Variants in DNAAF4 observed in about 807,000 individuals in gnomAD.
DNAAF4 encodes dynein axonemal assembly factor 4, also known as dynein assembly factor 4, axonemal.
A neutral mutation model predicts 51.8 loss-of-function variants in DNAAF4; 43 were observed. The observed-to-expected ratio is 0.83, with a 90% CI of 0.65 to 1.07. The LOEUF is 1.07. Ranked by LOEUF, DNAAF4 falls within the 50% of genes least tolerant of loss-of-function variation. The pLI is 0.00. For missense variants in DNAAF4, 581 were observed against 493.0 expected (o/e 1.18, Z -1.69); for synonymous variants, 194 against 165.6 (o/e 1.17, Z -1.32).
At chr15:55,502,644 T>TA (rs889026774) in intron 1 of DNAAF4, among the ~76,000 whole-genome samples, 16 of 151,898 alleles carry the variant, frequency 1.1e-4, no homozygotes, top group African/African-American at 2.7e-4. Context: ...TGATGACTGG[T>TA]AAAAAAAAGT....
Position 55,491,252 on chromosome 15 carries a change from G to T in DNAAF4, c.276C>A (p.Asp92Glu). ...CTCTAATTCTTTGCATCATCTCTTT[G>T]TCAACTAAAATGTACAGAATATTGC... The part of the protein sequence containing the change: ...MWETLSVTGV[D>E]KEMMQRIREK... Residue 92 changes from aspartate (D) to glutamate (E), a missense_variant, in exon 4 of 10, where the codon GAC (aspartate) becomes GAA (glutamate). Asp to Glu is a conservative substitution (Grantham distance 45, BLOSUM62 2). Transcript: ENST00000321149. 6.2e-7 allele frequency: 1 copy of T among 1,611,172 alleles called. No homozygotes were observed. Among genetic ancestry groups the T allele is most frequent in the South Asian group, 1.1e-5 (1 of 90,742 alleles).
chr15:55,460,245 G>A (rs1317964389), intron 5 of DNAAF4, among the ~76,000 whole-genome samples: 1 of 148,920 alleles, frequency 6.7e-6, no homozygotes, highest in Admixed American at 6.8e-5. Context: ...CCGTGGTGCA[G>A]TCTCGGCTCA....
rs1048747666 is a variant in DNAAF4, at chr15:55,498,069, G to C, written c.123+138C>G. On this transcript the variant is annotated intron_variant, in intron 2 of 9. Transcript: ENST00000321149. The stretch of plus-strand genomic sequence containing the variant: ...CTACAGATGGTGTGTTACCTGTATG[G>C]GATTCATTTTTTTAATAGGATTAAA... 13 of 1,454,294 alleles carry C rather than the reference G, an allele frequency of 8.9e-6. No homozygotes were observed. In the Admixed American group the frequency reaches 1.2e-4, roughly 13 times the overall value. The allele number at this position is 1,454,294 out of a possible 1,614,324, so 90.1% of individuals were successfully genotyped here.
intron 1 of DNAAF4, among the ~76,000 whole-genome samples, chr15:55,505,684 C>T (rs536669364): frequency 4.0e-5 from 6 of 151,780 alleles, no homozygotes; most frequent in African/African-American, 7.3e-5. Flanking sequence ...CCAAACACCA[C>T]GTGTTCTCAC....
At chr15:55,487,484 C>T (rs1032849394) in intron 4 of DNAAF4, among the ~76,000 whole-genome samples, 2 of 152,182 alleles carry the variant, frequency 1.3e-5, no homozygotes, top group African/African-American at 2.4e-5. Flanking sequence ...CAGCCAGCAG[C>T]GGCAACTGGC....
intron 5 of DNAAF4, among the ~76,000 whole-genome samples, chr15:55,453,607 G>C (rs2057970874): frequency 7.0e-6 from 1 of 142,176 alleles, no homozygotes; most frequent in African/African-American, 2.7e-5. Context: ...CTGGAGTGTA[G>C]TGGCGCGATC....
At chr15:55,469,053 G>A (rs965809102) in intron 4 of DNAAF4, among the ~76,000 whole-genome samples, 8 of 152,030 alleles carry the variant, frequency 5.3e-5, no homozygotes, top group East Asian at 3.9e-4. Flanking sequence ...TACAGTGACC[G>A]GGCGCGGTGG....
At chr15:55,485,951 C>T (rs943112239) in intron 4 of DNAAF4, among the ~76,000 whole-genome samples, 20 of 144,164 alleles carry the variant, frequency 1.4e-4, no homozygotes, top group African/African-American at 4.2e-4. Context: ...GCCAAGACTG[C>T]GCCACTGCAC....
At chr15:55,483,833 C>CATTTT (rs1567028675) in intron 4 of DNAAF4, among the ~76,000 whole-genome samples, 1 of 82,504 alleles carries the variant, frequency 1.2e-5, no homozygotes, top group African/African-American at 4.8e-5. Context: ...GCCAATAAAG[C>CATTTT]TTTTTTTTTT....
intron 4 of DNAAF4, among the ~76,000 whole-genome samples, chr15:55,476,718 G>A (rs1377922173): frequency 6.6e-6 from 1 of 152,048 alleles, no homozygotes; most frequent in Non-Finnish European, 1.5e-5. Flanking sequence ...GACAAATATT[G>A]TATAATTCCA....
exon 8 of DNAAF4, chr15:55,417,764 G>C (rs996314592): frequency 1.0e-5 from 2 of 192,846 alleles, no homozygotes; most frequent in African/African-American, 4.7e-5. Context: ...CTTTGTGTGA[G>C]CAATAAAGCT....
intron 7 of DNAAF4, 34 bp downstream of exon 7, chr15:55,439,438 G>A: frequency 6.4e-7 from 1 of 1,551,360 alleles, no homozygotes; most frequent in Non-Finnish European, 8.9e-7. Flanking sequence ...CTTCATACAT[G>A]ATAAAGCTCA....
At chr15:55,483,872 A>G in intron 4 of DNAAF4, among the ~76,000 whole-genome samples, 1 of 62,624 alleles carries the variant, frequency 1.6e-5, no homozygotes. Flanking sequence ...TTTTTTTTTT[A>G]AGAGAAAGCA....
intron 5 of DNAAF4, among the ~76,000 whole-genome samples, chr15:55,452,867 AGAGG>A (rs1267461296): frequency 6.6e-6 from 1 of 152,218 alleles, no homozygotes; most frequent in East Asian, 1.9e-4. Context: ...ATATAGGTAC[AGAGG>A]TGGGGAGGTG....
chr15:55,437,063 C>T (rs1016111092), intron 7 of DNAAF4, among the ~76,000 whole-genome samples: 19 of 151,972 alleles, frequency 1.3e-4, no homozygotes, highest in South Asian at 4.1e-4. Flanking sequence ...GTGATCCGCC[C>T]GCCTCAGCCT....
chr15:55,469,623 C>A (rs1281503762), intron 4 of DNAAF4, among the ~76,000 whole-genome samples: 2 of 151,344 alleles, frequency 1.3e-5, no homozygotes, highest in African/African-American at 4.9e-5. Flanking sequence ...GCTGGAACTA[C>A]AGGTGTCTGC....
chr15:55,474,889 G>C (rs1235105792), intron 4 of DNAAF4, among the ~76,000 whole-genome samples: 1 of 152,012 alleles, frequency 6.6e-6, no homozygotes, highest in East Asian at 1.9e-4. Context: ...TGAGGAAGGA[G>C]AATCACTTGA....
intron 5 of DNAAF4, among the ~76,000 whole-genome samples, chr15:55,460,381 T>C (rs752274176): frequency 1.1e-4 from 16 of 152,076 alleles, no homozygotes; most frequent in South Asian, 2.1e-4. Flanking sequence ...GGTTTCACCA[T>C]GTTGGTCAGG....
intron 1 of DNAAF4, among the ~76,000 whole-genome samples, chr15:55,505,882 G>A (rs1272046104): frequency 2.6e-5 from 4 of 152,100 alleles, no homozygotes; most frequent in African/African-American, 4.8e-5. Context: ...AAACCTGCAC[G>A]TTGTGCACAT....
Sources: allele counts gnomAD v4.1 joint callset (sites outside exome capture counted in the v4.1 genomes callset), GRCh38; gene constraint gnomAD v4.1.1; transcripts MANE v1.5; gene names NCBI Gene and HGNC (gene_info 2026-07-23, HGNC 2026-07-21).